GNB1L: variants seen among roughly 807,000 people sequenced by gnomAD.
The protein encoded by GNB1L is guanine nucleotide-binding protein subunit beta-like protein 1.
A neutral mutation model predicts 29.1 loss-of-function variants in GNB1L; 20 were observed. The ratio of observed to expected loss-of-function variants is 0.69; its 90% CI spans 0.48 to 1.00. The LOEUF (loss-of-function observed/expected upper bound fraction) is 1.00. Ranked by LOEUF, GNB1L falls within the 50% of genes least tolerant of loss-of-function variation. GNB1L has a pLI of 0.00. For synonymous variants in GNB1L, 193 were observed against 206.5 expected (o/e 0.93, Z 0.56); for missense variants, 421 against 464.9 (o/e 0.91, Z 0.87).
At chr22:19,848,233 G>A (rs35077427) in intron 2 of GNB1L, 56,366 of 985,298 alleles carry the variant, frequency 0.057, 1,674 homozygotes, top group Non-Finnish European at 0.06. Flanking sequence ...GTATTTCCAA[G>A]GGAAGTGAAG....
chr22:19,817,407 G>A (rs1332316129), intron 4 of GNB1L, among the ~76,000 whole-genome samples: 3 of 152,138 alleles, frequency 2.0e-5, no homozygotes, highest in South Asian at 2.1e-4. Context: ...CTTGAACCAG[G>A]GAGTCGGAGG....
At chr22:19,853,391 C>T (rs936616520) in intron 2 of GNB1L, among the ~76,000 whole-genome samples, 13 of 152,154 alleles carry the variant, frequency 8.5e-5, no homozygotes, top group African/African-American at 2.9e-4. Context: ...AGTTCTATTC[C>T]AGTGCAAGGA....
chr22:19,846,288 G>T, intron 2 of GNB1L: 2 of 369,706 alleles, frequency 5.4e-6, no homozygotes, highest in Non-Finnish European at 7.5e-6. Flanking sequence ...ACTCAAGGTT[G>T]AATGTCAAAG....
rs1314271401 is a variant in GNB1L at position 19,851,547 on chromosome 22, C to A, written c.-21+2896G>T. On this transcript the variant is annotated intron_variant, in intron 2 of 7. Transcript: ENST00000329517. ...TTGGACCCAGACACAGCAGGGGTGG[C>A]CATGGCGGCTGGTAAAGACCTGGGG... 3 of 1,613,166 alleles carry A rather than the reference C, an allele frequency of 1.9e-6. No individual in the cohort carries two copies. The Admixed American group carries it at 5.0e-5, about 27-fold the overall frequency.
chr22:19,837,884 C>T (rs922356027), intron 2 of GNB1L, among the ~76,000 whole-genome samples: 22 of 152,128 alleles, frequency 1.4e-4, no homozygotes, highest in African/African-American at 5.3e-4. Context: ...TTCTGTGATT[C>T]TATTTATGCA....
rs976765823 is a variant in GNB1L at position 19,816,345 on chromosome 22, C to A, written c.255-3898G>T. The stretch of plus-strand genomic sequence containing the variant: ...AAGGCTCATCATCCCTAATTCTGAT[C>A]ATTTATTTTAGTGCTCAAATTGGCC... On this transcript the variant is annotated intron_variant, in intron 4 of 7. Transcript: ENST00000329517. This position sits in a 1 kb window ranked among gnomAD's most constrained non-coding sequence, Gnocchi z 4.4. Among the ~76,000 whole-genome samples the A allele has an allele frequency of 4.6e-5, 7 of 152,184 alleles. No homozygotes were observed. The highest frequency in any genetic ancestry group is 1.7e-4 in the African/African-American group (7 of 41,454).
chr22:19,834,771 C>A (rs56312911), intron 2 of GNB1L, among the ~76,000 whole-genome samples: 4,327 of 150,198 alleles, frequency 0.029, 98 homozygotes, highest in Middle Eastern at 0.13. Context: ...CAAGAGAGGA[C>A]AGGAAAGAGG....
intron 2 of GNB1L, chr22:19,851,041 T>C (rs1938081719): frequency 6.9e-7 from 1 of 1,446,982 alleles, no homozygotes; most frequent in African/African-American, 1.4e-5. Context: ...CAAGCGCATC[T>C]TGCCCAGCTA....
chr22:19,792,475 T>A, intron 7 of GNB1L: 1 of 1,580,874 alleles, frequency 6.3e-7, no homozygotes, highest in Non-Finnish European at 8.6e-7. Flanking sequence ...CCCCGCTATA[T>A]CAGGTTGCAG....
rs1787958826 is a variant in GNB1L at position 19,852,336 on chromosome 22, C to T, written c.-21+2107G>A. The stretch of plus-strand genomic sequence containing the variant: ...GGGGTGTGGACAGATGTGGCTTGCA[C>T]GACACAACAGGACAGGGATGGCTGA... On this transcript the variant is annotated intron_variant, in intron 2 of 7. Transcript: ENST00000329517. 7 of 1,483,916 alleles carry T rather than the reference C, an allele frequency of 4.7e-6. No homozygotes were observed. In the Middle Eastern group the frequency reaches 6.0e-4, roughly 128 times the overall value. The allele number at this position is 1,483,916 out of a possible 1,614,324, so 91.9% of individuals were successfully genotyped here.
chr22:19,803,031 C>T (rs892508488), intron 6 of GNB1L, among the ~76,000 whole-genome samples: 8 of 152,202 alleles, frequency 5.3e-5, no homozygotes, highest in African/African-American at 1.7e-4. Flanking sequence ...GGCACCAGGG[C>T]GTGTGCCTAA....
chr22:19,828,993 G>C (rs750950203), intron 2 of GNB1L, among the ~76,000 whole-genome samples: 1 of 152,110 alleles, frequency 6.6e-6, no homozygotes, highest in African/African-American at 2.4e-5. Context: ...CACAGTGCCC[G>C]GCTAATTTCT....
chr22:19,815,256 C>T (rs5748445), intron 4 of GNB1L, among the ~76,000 whole-genome samples: 41,398 of 152,052 alleles, frequency 0.27, 6,103 homozygotes, highest in African/African-American at 0.38. Flanking sequence ...GGTTGTGGTG[C>T]CCACGCCACA....
intron 2 of GNB1L, chr22:19,851,736 T>C (rs779882424): frequency 1.2e-6 from 2 of 1,606,850 alleles, no homozygotes; most frequent in East Asian, 2.2e-5. Context: ...ACAACTTCCT[T>C]GAGATCCTGG....
At chr22:19,825,154 A>G (rs879334598) in intron 2 of GNB1L, among the ~76,000 whole-genome samples, 1 of 152,094 alleles carries the variant, frequency 6.6e-6, no homozygotes, top group Non-Finnish European at 1.5e-5. Flanking sequence ...CTCAAACAGG[A>G]CCCTCTGCCC....
intron 4 of GNB1L, among the ~76,000 whole-genome samples, chr22:19,818,444 A>G (rs563408950): frequency 4.6e-5 from 7 of 152,256 alleles, no homozygotes; most frequent in Middle Eastern, 6.8e-3. Context: ...GTGGTGAGGG[A>G]TCTGGGTCGG....
intron 7 of GNB1L, among the ~76,000 whole-genome samples, chr22:19,791,999 T>C (rs1937257902): frequency 1.3e-5 from 2 of 152,050 alleles, no homozygotes. Flanking sequence ...CTGCACAAGC[T>C]CAAGGTGAAC....
chr22:19,830,422 G>A (rs958731472), intron 2 of GNB1L, among the ~76,000 whole-genome samples: 2 of 151,804 alleles, frequency 1.3e-5, no homozygotes, highest in Non-Finnish European at 2.9e-5. Context: ...ATAATAACCA[G>A]TTAGAGAAAA....
At chr22:19,805,869 G>A (rs1031539389) in intron 6 of GNB1L, among the ~76,000 whole-genome samples, 7 of 152,210 alleles carry the variant, frequency 4.6e-5, no homozygotes, top group African/African-American at 7.2e-5. Flanking sequence ...ACCCCTTACC[G>A]TGGGCTTCCG....
Sources: allele counts gnomAD v4.1 joint callset (sites outside exome capture counted in the v4.1 genomes callset), GRCh38; gene constraint gnomAD v4.1.1; non-coding constraint Gnocchi (gnomAD v3.1); transcripts MANE v1.5; gene names NCBI Gene and HGNC (gene_info 2026-07-23, HGNC 2026-07-21).